Variants in FANCD2 observed in about 807,000 individuals in gnomAD.
FANCD2 encodes FA complementation group D2.
Under a neutral mutation model 192.3 loss-of-function variants are expected in FANCD2, and 131 were observed. That is an observed-to-expected ratio of 0.68 (90% CI 0.59 to 0.79). The LOEUF is 0.79. FANCD2 is among the 30% of genes least tolerant of loss of function. The pLI, the probability that FANCD2 is intolerant of heterozygous loss-of-function variation, is 0.00. For missense variants in FANCD2, 1,508 were observed against 1,701.6 expected (o/e 0.89, Z 2.00); for synonymous variants, 524 against 612.5 (o/e 0.86, Z 2.13).
Position 10,046,633 on chromosome 3 carries a change from G to T in FANCD2, c.1188G>T (p.Lys396Asn). ...TCTATAGCACCAATACTCAGACAAA[G>T]AAGTACATTGACAGGGTGCTAAGAA... is the stretch of plus-strand genomic sequence containing the variant. Reference protein sequence around the residue: ...FIIYSTNTQTKKYIDRVLRNK... With the variant: ...FIIYSTNTQTNKYIDRVLRNK... Residue 396 changes from lysine (K) to asparagine (N), a missense_variant, in exon 15 of 44, where the codon AAG (lysine) becomes AAT (asparagine). Physicochemically the swap from Lys to Asn is moderately conservative, Grantham distance 94. Coordinates refer to ENST00000675286, the MANE Select transcript of FANCD2 (RefSeq NM_001018115.3). The T allele has an allele frequency of 1.2e-6, 2 of 1,614,280 alleles. No individual in the cohort carries two copies.
intron 32 of FANCD2, among the ~76,000 whole-genome samples, chr3:10,084,652 T>C (rs577610095): frequency 2.5e-4 from 38 of 152,288 alleles, no homozygotes; most frequent in South Asian, 6.2e-4. Flanking sequence ...CTATATCTCA[T>C]TGAAGCTATG....
intron 30 of FANCD2, among the ~76,000 whole-genome samples, chr3:10,079,062 A>G (rs1237860383): frequency 6.6e-6 from 1 of 151,934 alleles, no homozygotes; most frequent in East Asian, 2.0e-4. Flanking sequence ...CCAACGTGGC[A>G]AGAGCCTGTC....
rs1164035054 is a variant in FANCD2 at position 10,051,415 on chromosome 3, GAGTGA to G, written c.1546-971_1546-967del. Among the ~76,000 whole-genome samples, 13 of 7,434 alleles carry G rather than the reference GAGTGA, an allele frequency of 1.7e-3. 1 individual carries two copies. Among genetic ancestry groups the G allele is most frequent in the East Asian group, 3.3e-3 (1 of 300 alleles). 4.9% of individuals were successfully genotyped at this position (7,434 alleles called of 152,430 possible). ...AAAAAAAAAAAAAAAAAACAAAAAG[GAGTGA>G]GGGATTTATCTCCCAGTGTTGGACA... On this transcript the variant is annotated intron_variant, in intron 17 of 43. Transcript: ENST00000675286.
chr3:10,031,369 GGT>G (rs1553606616), intron 2 of FANCD2, among the ~76,000 whole-genome samples: 10 of 152,088 alleles, frequency 6.6e-5, no homozygotes, highest in Non-Finnish European at 1.5e-4. Flanking sequence ...CGGGCGTGGT[GGT>G]GTGCACCTGT....
chr3:10,040,808 G>T (rs2086845328), intron 9 of FANCD2: 7 of 319,348 alleles, frequency 2.2e-5, no homozygotes, highest in South Asian at 1.5e-4. Context: ...TTTTGGGCAG[G>T]ATGCTCCTTC....
rs1313871843 is a variant in FANCD2 at position 10,047,957 on chromosome 3, A to C, written c.1319A>C (p.Gln440Pro). ...DMCSSILSLA[Q>P]SLLHSLDQSI... is the part of the protein sequence containing the mutation. ...TGTTCATCCATTCTGTCGCTGGCTC[A>C]GAGTTTGCTTCACTCTCTAGACCAG... The change falls in exon 16 of 44, where the codon CAG becomes CCG. Residue 440 changes from glutamine to proline, a missense_variant. Gln to Pro is a moderately conservative substitution (Grantham distance 76). This residue lies in a region of FANCD2 where 108 missense variants were observed against 174.1 expected (regional missense o/e 0.62). Transcript: ENST00000675286. 6.2e-7 allele frequency: 1 copy of C among 1,613,598 alleles called. No individual in the cohort carries two copies. The highest frequency in any genetic ancestry group is 8.5e-7 in the Non-Finnish European group (1 of 1,180,054).
chr3:10,069,878 C>A (rs950691234), intron 26 of FANCD2, among the ~76,000 whole-genome samples: 1 of 151,986 alleles, frequency 6.6e-6, no homozygotes, highest in African/African-American at 2.4e-5. Context: ...TCTGCCCGGC[C>A]GCCACCCCGT....
At chr3:10,029,014 A>G (rs2086525527) in intron 2 of FANCD2, among the ~76,000 whole-genome samples, 1 of 152,206 alleles carries the variant, frequency 6.6e-6, no homozygotes. Context: ...AAGACATAAC[A>G]TAGTCTGTAC....
At chr3:10,083,556 C>T (rs1693977078) in intron 32 of FANCD2, 1 of 152,156 alleles carries the variant, frequency 6.6e-6, no homozygotes, top group South Asian at 2.1e-4. Context: ...TGTGACTCAG[C>T]CATTCCATCC....
chr3:10,058,169 T>A (rs2087467233), intron 18 of FANCD2: 1 of 338,284 alleles, frequency 3.0e-6, no homozygotes, highest in South Asian at 3.3e-5. Flanking sequence ...CTGACCTGTC[T>A]TCCGCACGAA....
intron 18 of FANCD2, among the ~76,000 whole-genome samples, chr3:10,052,713 C>T (rs371712973): frequency 9.9e-5 from 15 of 151,842 alleles, no homozygotes; most frequent in African/African-American, 1.7e-4. Flanking sequence ...AAAAAGTGGG[C>T]GAAGGACATG....
At chr3:10,094,189 TAAG>T (rs1400604608) in intron 39 of FANCD2, 97 bp from the exon 40 acceptor site, 12 of 854,168 alleles carry the variant, frequency 1.4e-5, no homozygotes, top group East Asian at 2.4e-5. Flanking sequence ...TATATATAAA[TAAG>T]AAAATAAAAC....
At position 10,078,217 on chromosome 3, in the gene FANCD2, T is replaced by C. The variant is rs373906391; in HGVS notation, c.2976+20T>C. 6.1e-6 allele frequency: 9 copies of C among 1,485,720 alleles called. No individual in the cohort carries two copies. Among genetic ancestry groups the C allele is most frequent in the African/African-American group, 4.1e-5 (3 of 72,360 alleles). The allele number at this position is 1,485,720 out of a possible 1,614,324, so 92.0% of individuals were successfully genotyped here. A position where few individuals can be genotyped will look rare whatever the true frequency, so the allele number is the denominator to read the frequency against. ...CTCAAGGTTAGTGTAGGCAGAAGCA[T>C]AGGACTTGGGCATAGTGGATTTGGG... On this transcript the variant is annotated intron_variant, in intron 30 of 43. Coordinates refer to ENST00000675286, the MANE Select transcript of FANCD2 (RefSeq NM_001018115.3).
In FANCD2 at chr3:10,039,320, G is replaced by C; in HGVS notation, c.533G>C (p.Ser178Thr). The C allele has an allele frequency of 6.2e-7, 1 of 1,613,960 alleles. No homozygotes were observed. The highest frequency in any genetic ancestry group is 1.7e-4 in the Middle Eastern group (1 of 6,060). ...ATCAACATACCTCGACTCATTGTCA[G>C]TCAACTAAAATGGCTTGACAGAGTT... Reference protein sequence around the residue: ...DEINIPRLIVSQLKWLDRVVD... With the variant: ...DEINIPRLIVTQLKWLDRVVD... Residue 178 changes from serine (S) to threonine (T), a missense_variant, in exon 8 of 44, where the codon AGT becomes ACT. This residue lies in a region of FANCD2 where 435 missense variants were observed against 421.9 expected (regional missense o/e 1.03). Transcript: ENST00000675286.
chr3:10,067,045 C>T (rs1575797114), intron 25 of FANCD2, among the ~76,000 whole-genome samples, 164 bp from the exon 26 acceptor site: 1 of 152,070 alleles, frequency 6.6e-6, no homozygotes, highest in South Asian at 2.1e-4. Context: ...TATTTTGGGC[C>T]AGAGATTTTT....
chr3:10,098,690 C>T (rs2125100605), intron 42 of FANCD2, 30 bp from the exon 43 acceptor site: 1 of 1,613,082 alleles, frequency 6.2e-7, no homozygotes, highest in African/African-American at 1.3e-5. Flanking sequence ...TCATTATAAC[C>T]CACCATTTTC....
In FANCD2 at chr3:10,098,911, T is replaced by C. The variant is rs774886640; in HGVS notation, c.4281+96T>C. On this transcript the variant is annotated intron_variant, in intron 43 of 43. Transcript: ENST00000675286. Reference sequence around the variant, plus strand: ...GCAGAACTTTGCCTACTTATGTTTATTGTCAAATGCTTCTATGCCCATTTC... The same window carrying C: ...GCAGAACTTTGCCTACTTATGTTTACTGTCAAATGCTTCTATGCCCATTTC... 3.1e-6 allele frequency: 5 copies of C among 1,614,124 alleles called. No homozygotes were observed. In the South Asian group the frequency reaches 4.4e-5, roughly 14 times the overall value.
chr3:10,041,271 A>T (rs987200829), intron 9 of FANCD2: 43 of 288,746 alleles, frequency 1.5e-4, no homozygotes, highest in African/African-American at 9.3e-4. Flanking sequence ...CTGTAGCACC[A>T]CCTACATGTG....
intron 2 of FANCD2, among the ~76,000 whole-genome samples, chr3:10,030,095 CAT>C (rs370543217): frequency 0.015 from 1,302 of 89,346 alleles, 31 homozygotes; most frequent in African/African-American, 0.075. Flanking sequence ...CCCATTATAT[CAT>C]TTTTTTTTTT....
Sources: gnomAD v4.1 joint callset for allele counts (sites outside exome capture counted in the v4.1 genomes callset) on GRCh38, gnomAD v4.1.1 for gene constraint, gnomAD v4.1.1 regional missense constraint, MANE v1.5 for transcripts, NCBI Gene and HGNC (gene_info 2026-07-23, HGNC 2026-07-21) for gene names.